ASXL1: variants seen among roughly 807,000 people sequenced by gnomAD.
The protein encoded by ASXL1 is ASXL transcriptional regulator 1.
A neutral mutation model predicts 89.1 loss-of-function variants in ASXL1; 65 were observed. The observed-to-expected ratio is 0.73, with a 90% CI of 0.60 to 0.90. ASXL1 has a LOEUF of 0.90. Ranked by LOEUF, ASXL1 falls within the 40% of genes least tolerant of loss-of-function variation. The probability of loss-of-function intolerance (pLI) is 0.00; values close to 1 mark genes in which losing one functional copy is unlikely to be tolerated. For missense variants in ASXL1, 1,786 were observed against 1,942.9 expected, an observed-to-expected ratio of 0.92 and a Z score of 1.52; for synonymous variants, 739 against 746.9, an observed-to-expected ratio of 0.99 and a Z score of 0.17.
At position 32,438,878 on chromosome 20, in the gene ASXL1, G is replaced by C. The variant is rs751689992; in HGVS notation, c.*1540G>C. The C allele has an allele frequency of 8.6e-6, 2 of 233,350 alleles. No individual in the cohort carries two copies. The highest frequency in any genetic ancestry group is 1.7e-5 in the Non-Finnish European group (2 of 118,074). 14.5% of individuals were successfully genotyped at this position (233,350 alleles called of 1,614,324 possible). ...CCCAACATGTTTCCAGCAAGTAGAT[G>C]CCCCTGTGTGTGTTTTCCCTTGCCT... On this transcript the variant is annotated 3_prime_UTR_variant, in exon 13 of 13. Coordinates refer to ENST00000375687, the MANE Select transcript of ASXL1 (RefSeq NM_015338.6).
At position 32,436,251 on chromosome 20, in the gene ASXL1, A is replaced by G. The variant is rs746200411; in HGVS notation, c.3539A>G (p.Asp1180Gly). Reference sequence around the variant, plus strand: ...GCTTTGAAGGAGCCTCTTCTGCCAGATAGCTGTGAAACAGGCACTGGTCTT... The same window carrying G: ...GCTTTGAAGGAGCCTCTTCTGCCAGGTAGCTGTGAAACAGGCACTGGTCTT... ...LRALKEPLLPDSCETGTGLAR... is the reference protein window; with the variant it reads ...LRALKEPLLPGSCETGTGLAR... Residue 1180 changes from aspartate to glycine, a missense_variant, in exon 13 of 13, where the codon GAT becomes GGT. This residue lies in a region of ASXL1 where 1,418 missense variants were observed against 1,427.8 expected (regional missense o/e 0.99). Coordinates refer to ENST00000375687, the MANE Select transcript of ASXL1 (RefSeq NM_015338.6). The G allele has an allele frequency of 3.7e-6, 6 of 1,614,242 alleles. No homozygotes were observed. In the East Asian group the frequency reaches 6.7e-5, roughly 18 times the overall value.
chr20:32,373,918 T>A (rs915396411), intron 4 of ASXL1, among the ~76,000 whole-genome samples: 1 of 151,830 alleles, frequency 6.6e-6, no homozygotes, highest in Non-Finnish European at 1.5e-5. Flanking sequence ...TTTGAAAAAA[T>A]TTCATCATTG....
At chr20:32,410,401 A>G (rs1261235245) in intron 4 of ASXL1, among the ~76,000 whole-genome samples, 3 of 152,202 alleles carry the variant, frequency 2.0e-5, no homozygotes, top group African/African-American at 7.2e-5. Context: ...CTGGTCTCCC[A>G]AAGTGTTGGG....
intron 4 of ASXL1, among the ~76,000 whole-genome samples, chr20:32,381,585 G>A (rs1023697667): frequency 9.3e-5 from 14 of 151,034 alleles, no homozygotes; most frequent in Non-Finnish European, 2.1e-4. Context: ...CGGGATCTCG[G>A]CTCACTGCAA....
chr20:32,417,033 A>T (rs138004568), intron 4 of ASXL1, among the ~76,000 whole-genome samples: 1 of 152,212 alleles, frequency 6.6e-6, no homozygotes, highest in African/African-American at 2.4e-5. Context: ...TGACTGATTT[A>T]GTAGTAAAAC....
intron 4 of ASXL1, among the ~76,000 whole-genome samples, chr20:32,426,207 A>G (rs2011279010): frequency 6.6e-6 from 1 of 152,084 alleles, no homozygotes; most frequent in African/African-American, 2.4e-5. Flanking sequence ...AAAGATACAT[A>G]TATATTTTTT....
intron 4 of ASXL1, among the ~76,000 whole-genome samples, chr20:32,400,928 T>C (rs904514225): frequency 6.6e-6 from 1 of 152,210 alleles, no homozygotes; most frequent in African/African-American, 2.4e-5. Context: ...TTGTTAGTTA[T>C]TTTAGTGGTT....
At chr20:32,385,993 T>G (rs992306187) in intron 4 of ASXL1, among the ~76,000 whole-genome samples, 1 of 152,248 alleles carries the variant, frequency 6.6e-6, no homozygotes, top group Non-Finnish European at 1.5e-5. Context: ...AGCTGACAAC[T>G]TACCTCAGTT....
At chr20:32,372,211 T>C in intron 4 of ASXL1, 1 of 1,346,744 alleles carries the variant, frequency 7.4e-7, no homozygotes. Flanking sequence ...TAATATATCT[T>C]TGAATAAACA....
At chr20:32,423,087 T>G (rs2011184267) in intron 4 of ASXL1, among the ~76,000 whole-genome samples, 1 of 152,158 alleles carries the variant, frequency 6.6e-6, no homozygotes, top group African/African-American at 2.4e-5. Context: ...TATGTCAAAC[T>G]TATAGAGTTT....
chr20:32,380,887 T>C (rs970156481), intron 4 of ASXL1, among the ~76,000 whole-genome samples: 1 of 152,228 alleles, frequency 6.6e-6, no homozygotes, highest in African/African-American at 2.4e-5. Context: ...TTTTCATAGG[T>C]GTGTAGCAAG....
At chr20:32,410,928 A>G (rs1221744234) in intron 4 of ASXL1, among the ~76,000 whole-genome samples, 1 of 148,956 alleles carries the variant, frequency 6.7e-6, no homozygotes, top group Non-Finnish European at 1.5e-5. Flanking sequence ...CTACTGGGGG[A>G]GGGTGAGGCA....
In ASXL1 at chr20:32,358,752, C is replaced by A; in HGVS notation, c.-24C>A. On this transcript the variant is annotated 5_prime_UTR_variant, in exon 1 of 13. It adds an upstream start codon to the 5' untranslated region. Coordinates refer to ENST00000375687, the MANE Select transcript of ASXL1 (RefSeq NM_015338.6). ...CCCAGCCCGGAGGTCCCGCGTGGAGCTGCCGCCGCCGCCGGGGAGAAGGAT... is the reference window on the plus strand; with the variant it reads ...CCCAGCCCGGAGGTCCCGCGTGGAGATGCCGCCGCCGCCGGGGAGAAGGAT... 7.1e-7 allele frequency: 1 copy of A among 1,401,296 alleles called. No homozygotes were observed. The highest frequency in any genetic ancestry group is 9.5e-7 in the Non-Finnish European group (1 of 1,048,116). The allele number at this position is 1,401,296 out of a possible 1,614,324, so 86.8% of individuals were successfully genotyped here. A position where few individuals can be genotyped will look rare whatever the true frequency, so the allele number is the denominator to read the frequency against.
chr20:32,359,499 C>A, intron 1 of ASXL1: 2 of 650,178 alleles, frequency 3.1e-6, no homozygotes, highest in Non-Finnish European at 5.6e-6. Flanking sequence ...GCCTGGGAAT[C>A]TGCGCTTTCA....
At chr20:32,381,840 T>G (rs907636760) in intron 4 of ASXL1, among the ~76,000 whole-genome samples, 15 of 152,106 alleles carry the variant, frequency 9.9e-5, no homozygotes, top group Non-Finnish European at 2.2e-4. Context: ...TTAAACTTGT[T>G]AATTCTTGTA....
intron 1 of ASXL1, among the ~76,000 whole-genome samples, chr20:32,363,336 G>A (rs948766350): frequency 1.7e-4 from 26 of 152,170 alleles, no homozygotes; most frequent in African/African-American, 6.3e-4. Flanking sequence ...ATCTGTGGCA[G>A]TGAACATTAG....
Position 32,432,671 on chromosome 20 carries a change from G to A in ASXL1, c.980-209G>A, listed in dbSNP as rs2011555487. ...GAATGGTTCTTTTGTTTGTTGTTTT[G>A]CTTTTTCGATCAAGGAGTTGCTTGG... On this transcript the variant is annotated intron_variant, in intron 10 of 12. Coordinates refer to ENST00000375687, the MANE Select transcript of ASXL1 (RefSeq NM_015338.6). 2.2e-5 allele frequency: 12 copies of A among 550,318 alleles called. No homozygotes were observed. In the South Asian group the frequency reaches 2.2e-4, roughly 10 times the overall value. The allele number at this position is 550,318 out of a possible 1,614,324, so 34.1% of individuals were successfully genotyped here. A position where few individuals can be genotyped will look rare whatever the true frequency, so the allele number is the denominator to read the frequency against.
At chr20:32,372,704 C>T (rs2048318267) in intron 4 of ASXL1, among the ~76,000 whole-genome samples, 1 of 151,894 alleles carries the variant, frequency 6.6e-6, no homozygotes, top group African/African-American at 2.4e-5. Flanking sequence ...AAGTGATTCT[C>T]CTGCCTCAGC....
intron 4 of ASXL1, among the ~76,000 whole-genome samples, chr20:32,421,781 A>T (rs1449733698): frequency 6.6e-6 from 1 of 152,180 alleles, no homozygotes; most frequent in Admixed American, 6.5e-5. Context: ...ATTTACATGA[A>T]GACCAAGAAC....
Sources: allele counts gnomAD v4.1 joint callset (sites outside exome capture counted in the v4.1 genomes callset), GRCh38; gene constraint gnomAD v4.1.1; regional missense constraint gnomAD v4.1.1; transcripts MANE v1.5; gene names NCBI Gene and HGNC (gene_info 2026-07-23, HGNC 2026-07-21).